RPTOR: variants seen among roughly 807,000 people sequenced by gnomAD.
The protein encoded by RPTOR is regulatory associated protein of MTOR complex 1.
In RPTOR, 21 loss-of-function variants were observed where a neutral mutation model predicts 169.9. That is an observed-to-expected ratio of 0.12 (90% confidence interval 0.09 to 0.18). The LOEUF is 0.18. RPTOR is among the 10% of genes least tolerant of loss of function. The pLI is 1.00. For synonymous variants in RPTOR, 732 were observed against 753.2 expected (o/e 0.97, Z 0.46); for missense variants, 1,133 against 1,855.9 (o/e 0.61, Z 7.16).
chr17:80,561,861 TGTAA>T (rs1195486088), intron 1 of RPTOR, among the ~76,000 whole-genome samples: 5 of 151,944 alleles, frequency 3.3e-5, no homozygotes, highest in African/African-American at 9.7e-5. Context: ...ACTGTATACA[TGTAA>T]GTATGTATGT....
chr17:80,893,493 GCC>G (rs1567972752), intron 19 of RPTOR, among the ~76,000 whole-genome samples: 9 of 147,194 alleles, frequency 6.1e-5, no homozygotes, highest in African/African-American at 2.0e-4. Context: ...GGGTGTGTGC[GCC>G]AGGGTGTGTG....
chr17:80,631,025 G>A (rs1341732571), intron 2 of RPTOR, among the ~76,000 whole-genome samples: 3 of 152,188 alleles, frequency 2.0e-5, no homozygotes, highest in African/African-American at 7.2e-5. Context: ...GCAAACGTCT[G>A]CCTCGATTCA....
intron 4 of RPTOR, among the ~76,000 whole-genome samples, chr17:80,716,823 G>C (rs750650528): frequency 6.6e-6 from 1 of 152,080 alleles, no homozygotes; most frequent in African/African-American, 2.4e-5. Context: ...TGTTGTAAAG[G>C]GTGTCTTTTC....
intron 20 of RPTOR, among the ~76,000 whole-genome samples, chr17:80,894,935 C>T (rs754404077): frequency 1.2e-4 from 19 of 152,354 alleles, no homozygotes; most frequent in Middle Eastern, 3.4e-3. Flanking sequence ...TTGGCGCCGT[C>T]GCACGATGCG....
At chr17:80,554,790 AAAT>A (rs2084388591) in intron 1 of RPTOR, among the ~76,000 whole-genome samples, 4 of 152,004 alleles carry the variant, frequency 2.6e-5, no homozygotes, top group African/African-American at 7.3e-5. Flanking sequence ...ACAACAAAAA[AAAT>A]GAGAATCCAG....
At chr17:80,751,209 G>C (rs1320756082) in intron 5 of RPTOR, among the ~76,000 whole-genome samples, 1 of 152,174 alleles carries the variant, frequency 6.6e-6, no homozygotes, top group East Asian at 1.9e-4. Flanking sequence ...AGCACTGGGC[G>C]TGCTGTCTGG....
At chr17:80,925,271 C>G (rs959219436) in intron 23 of RPTOR, 99 bp from the exon 24 acceptor site, 22 of 975,944 alleles carry the variant, frequency 2.3e-5, no homozygotes, top group Admixed American at 4.2e-5. Context: ...GTGCTCCCGG[C>G]AGCGCCTTTG....
chr17:80,813,845 C>T (rs991355936), intron 7 of RPTOR, among the ~76,000 whole-genome samples: 2 of 152,262 alleles, frequency 1.3e-5, no homozygotes, highest in African/African-American at 4.8e-5. Context: ...TAAAATCATA[C>T]AGTTTTGACT....
chr17:80,711,744 C>CTTGTTTTTTTTTTTTTTTTTTTTTT (rs2066193123), intron 4 of RPTOR, among the ~76,000 whole-genome samples: 1 of 88,852 alleles, frequency 1.1e-5, no homozygotes, highest in Non-Finnish European at 2.0e-5. Context: ...ATACATCAGT[C>CTTGTTTTTTTTTTTTTTTTTTTTTT]TTTTTTTTTT....
Position 80,947,748 on chromosome 17 carries a change from C to T in RPTOR, c.3265+397C>T, listed in dbSNP as rs1201734368. On this transcript the variant is annotated intron_variant, in intron 27 of 33. Transcript: ENST00000306801. The surrounding 1 kb of genome is among the most constrained non-coding windows in gnomAD (Gnocchi z 4.4). The stretch of plus-strand genomic sequence containing the variant: ...CTCCCCGGCCAGGGTCTCCTGGCAT[C>T]GCTGGCTCATTTGCCAGTTGCTGTC... 1.3e-5 allele frequency among the ~76,000 whole-genome samples: 2 copies of T among 152,156 alleles called. No individual in the cohort carries two copies. Among genetic ancestry groups the T allele is most frequent in the Non-Finnish European group, 2.9e-5 (2 of 68,044 alleles).
Position 80,964,412 on chromosome 17 carries a change from T to C in RPTOR, c.*82T>C. 1 of 1,382,590 alleles carries C rather than the reference T, an allele frequency of 7.2e-7. No individual in the cohort carries two copies. The highest frequency in any genetic ancestry group is 1.0e-6 in the Non-Finnish European group (1 of 984,850). The allele number at this position is 1,382,590 out of a possible 1,614,324, so 85.6% of individuals were successfully genotyped here. On this transcript the variant is annotated 3_prime_UTR_variant, in exon 34 of 34. Coordinates refer to ENST00000306801, the MANE Select transcript of RPTOR (RefSeq NM_020761.3). ...ACTCGCCGGGGCACGGGGCGTCGGCTGCTGCGGCCCCGCAGTGTGAACGTT... is the reference window on the plus strand; with the variant it reads ...ACTCGCCGGGGCACGGGGCGTCGGCCGCTGCGGCCCCGCAGTGTGAACGTT...
At chr17:80,546,872 C>T (rs1488685664) in intron 1 of RPTOR, among the ~76,000 whole-genome samples, 3 of 151,994 alleles carry the variant, frequency 2.0e-5, no homozygotes, top group South Asian at 2.1e-4. Flanking sequence ...AGTTTGAGAC[C>T]AGCCCGGCCA....
intron 3 of RPTOR, among the ~76,000 whole-genome samples, chr17:80,663,170 C>T (rs758418043): frequency 6.6e-6 from 1 of 152,224 alleles, no homozygotes; most frequent in Non-Finnish European, 1.5e-5. Flanking sequence ...GGAGCCTGCA[C>T]ATCCACGCAG....
chr17:80,925,239 T>A lies in RPTOR; in HGVS notation c.2809-131T>A, dbSNP rs1009220379. On this transcript the variant is annotated intron_variant, in intron 23 of 33. Transcript: ENST00000306801. ...TACGGAAGTGAGCAGAGCACAGAAGTGCCGTCCTTAGGGGCAGCCCGGTGC... is the reference window on the plus strand; with the variant it reads ...TACGGAAGTGAGCAGAGCACAGAAGAGCCGTCCTTAGGGGCAGCCCGGTGC... 5 of 691,642 alleles carry A rather than the reference T, an allele frequency of 7.2e-6. No individual in the cohort carries two copies. In the Admixed American group the frequency reaches 1.2e-4, roughly 17 times the overall value. The allele number at this position is 691,642 out of a possible 1,614,324, so 42.8% of individuals were successfully genotyped here.
intron 4 of RPTOR, among the ~76,000 whole-genome samples, chr17:80,725,563 G>T (rs947807041): frequency 7.2e-5 from 11 of 152,200 alleles, no homozygotes; most frequent in African/African-American, 2.7e-4. Flanking sequence ...CAGTCAGGAT[G>T]ACAGAGGAAT....
intron 20 of RPTOR, among the ~76,000 whole-genome samples, chr17:80,902,374 C>T (rs1209826490): frequency 6.6e-6 from 1 of 152,260 alleles, no homozygotes; most frequent in Non-Finnish European, 1.5e-5. Flanking sequence ...CCCTGGCTGG[C>T]CCCTGGCCCG....
intron 13 of RPTOR, among the ~76,000 whole-genome samples, chr17:80,865,909 G>C (rs1369192186): frequency 6.6e-6 from 1 of 152,078 alleles, no homozygotes; most frequent in Non-Finnish European, 1.5e-5. Context: ...CAAATGTAAA[G>C]AACTGAAGCC....
intron 28 of RPTOR, among the ~76,000 whole-genome samples, chr17:80,951,511 T>G (rs1363711094): frequency 2.0e-5 from 3 of 152,082 alleles, no homozygotes; most frequent in Non-Finnish European, 4.4e-5. Flanking sequence ...CAGGCCCCAG[T>G]CCCCGAAGGC....
chr17:80,859,701 G>A (rs191969995), intron 13 of RPTOR, among the ~76,000 whole-genome samples: 110 of 152,330 alleles, frequency 7.2e-4, no homozygotes, highest in Middle Eastern at 6.8e-3. Flanking sequence ...CCCGGACTTC[G>A]GCCAGCTGCT....
Sources: gnomAD v4.1 joint callset for allele counts (sites outside exome capture counted in the v4.1 genomes callset) on GRCh38, gnomAD v4.1.1 for gene constraint, Gnocchi (gnomAD v3.1) non-coding constraint, MANE v1.5 for transcripts, NCBI Gene and HGNC (gene_info 2026-07-23, HGNC 2026-07-21) for gene names.